The following TTC6 variants were observed in gnomAD, a reference collection of about 807,000 sequenced individuals.
TTC6 encodes the protein tetratricopeptide repeat domain 6, also known as tetratricopeptide repeat protein 6.
In TTC6, 172 loss-of-function variants were observed where a neutral mutation model predicts 210.4. That is an observed-to-expected ratio of 0.82 (90% CI 0.72 to 0.93). The LOEUF (loss-of-function observed/expected upper bound fraction) is 0.93. TTC6 is among the 40% of genes least tolerant of loss of function. The pLI is 0.00. For missense variants in TTC6, 2,414 were observed against 2,318.1 expected (o/e 1.04, Z -0.85); for synonymous variants, 804 against 819.6 (o/e 0.98, Z 0.32).
Position 37,749,860 on chromosome 14 carries a change from G to C in TTC6, c.2956+17G>C, listed in dbSNP as rs993104147. 7.5e-7 allele frequency: 1 copy of C among 1,331,886 alleles called. No homozygotes were observed. Among genetic ancestry groups the C allele is most frequent in the Middle Eastern group, 2.4e-4 (1 of 4,188 alleles). The allele number at this position is 1,331,886 out of a possible 1,614,324, so 82.5% of individuals were successfully genotyped here. Reference sequence around the variant, plus strand: ...ATAATACAGGTGGGTTGTCTGTAGAGACAGTTATATTACCTACATTTTGAC... The same window carrying C: ...ATAATACAGGTGGGTTGTCTGTAGACACAGTTATATTACCTACATTTTGAC... On this transcript the variant is annotated intron_variant, in intron 12 of 30. Coordinates refer to ENST00000553443, the Ensembl canonical transcript of TTC6.
At chr14:37,613,477 G>A (rs1008718782) in intron 2 of TTC6, among the ~76,000 whole-genome samples, 2 of 152,008 alleles carry the variant, frequency 1.3e-5, no homozygotes, top group African/African-American at 4.8e-5. Flanking sequence ...CCTTTGTCAG[G>A]TTTAGTATTA....
At position 37,598,656 on chromosome 14, in the gene TTC6, C is replaced by CGGCCTCG. The variant is rs1460393030; in HGVS notation, c.-235+2660_-235+2666dup. ...CGGCGAAAGGTGGAAGGAGAGGCCGCGGCCTCGGGCCTCGGGCCCCGGGCC... is the reference window on the plus strand; with the variant it reads ...CGGCGAAAGGTGGAAGGAGAGGCCGCGGCCTCGGGCCTCGGGCCTCGGGCCCCGGGCC... On this transcript the variant is annotated intron_variant, in intron 1 of 2. Transcript: ENST00000556845. This position sits in a 1 kb window ranked among gnomAD's most constrained non-coding sequence, Gnocchi z 4.9. Among the ~76,000 whole-genome samples the CGGCCTCG allele has an allele frequency of 9.9e-5, 15 of 152,098 alleles. No individual in the cohort carries two copies. The highest frequency in any genetic ancestry group is 4.6e-4 in the Admixed American group (7 of 15,284).
At chr14:37,651,360 A>G (rs1331679769) in intron 1 of TTC6, among the ~76,000 whole-genome samples, 1 of 130,532 alleles carries the variant, frequency 7.7e-6, no homozygotes, top group Non-Finnish European at 1.6e-5. Context: ...CTTGGCTCTT[A>G]GAAATTGAAT....
At chr14:37,793,936 C>T (rs908086458) in intron 17 of TTC6, among the ~76,000 whole-genome samples, 19 of 152,058 alleles carry the variant, frequency 1.2e-4, no homozygotes, top group Admixed American at 5.9e-4. Flanking sequence ...GTGTACAATA[C>T]GATTCCATGT....
chr14:37,623,060 C>G (rs1191244971), intron 1 of TTC6, 57 bp downstream of exon 3: 1 of 1,235,382 alleles, frequency 8.1e-7, no homozygotes. Context: ...GGTTACATTA[C>G]ATATGTAAGA....
chr14:37,629,037 C>A (rs2095664991), intron 1 of TTC6, among the ~76,000 whole-genome samples: 1 of 151,950 alleles, frequency 6.6e-6, no homozygotes, highest in African/African-American at 2.4e-5. Context: ...AGTCAGGTAG[C>A]ATGATGCCTC....
At chr14:37,635,029 G>A (rs1255569301) in intron 1 of TTC6, among the ~76,000 whole-genome samples, 1 of 152,102 alleles carries the variant, frequency 6.6e-6, no homozygotes, top group Non-Finnish European at 1.5e-5. Flanking sequence ...TAGGAAGAAA[G>A]AACATAATAA....
intron 1 of TTC6, among the ~76,000 whole-genome samples, chr14:37,647,639 T>C (rs914215908): frequency 1.3e-5 from 2 of 152,132 alleles, no homozygotes; most frequent in African/African-American, 4.8e-5. Flanking sequence ...AGTGGAGATA[T>C]CAAATATGCA....
chr14:37,826,385 A>G (rs1595321986), intron 28 of TTC6, 38 bp downstream of exon 30: 1 of 1,512,210 alleles, frequency 6.6e-7, no homozygotes, highest in East Asian at 2.3e-5. Context: ...ATTAGCATAA[A>G]TTAACACTGT....
intron 1 of TTC6, among the ~76,000 whole-genome samples, chr14:37,639,528 G>A (rs1408581892): frequency 6.6e-6 from 1 of 151,900 alleles, no homozygotes; most frequent in Non-Finnish European, 1.5e-5. Flanking sequence ...ACATTTGGAT[G>A]CTTTCAGTAA....
chr14:37,817,715 C>A, intron 26 of TTC6, 64 bp downstream of exon 28: 1 of 1,471,560 alleles, frequency 6.8e-7, no homozygotes, highest in Non-Finnish European at 9.5e-7. Flanking sequence ...CTAATTATCA[C>A]CCCATAAACA....
chr14:37,790,841 T>G lies in TTC6; in HGVS notation c.3557+4T>G, dbSNP rs1187932789. 1.3e-6 allele frequency: 2 copies of G among 1,518,306 alleles called. No individual in the cohort carries two copies. Among genetic ancestry groups the G allele is most frequent in the Admixed American group, 4.4e-5 (2 of 45,534 alleles). 94.1% of individuals were successfully genotyped at this position (1,518,306 alleles called of 1,614,324 possible). ...AAACTGTCATTTCTCTAGAAAGGTATGTTTTCCTTTTCATATTTATTGATT... is the reference window on the plus strand; with the variant it reads ...AAACTGTCATTTCTCTAGAAAGGTAGGTTTTCCTTTTCATATTTATTGATT... On this transcript the variant is annotated splice_donor_region_variant and intron_variant, in intron 16 of 30. Transcript: ENST00000553443.
At chr14:37,738,941 G>A in exon 10 of TTC6, 2 of 1,535,464 alleles carry the variant, frequency 1.3e-6, no homozygotes, top group Non-Finnish European at 8.7e-7. Flanking sequence ...GCCCAACTAT[G>A]TGAAAGAAAG....
intron 26 of TTC6, among the ~76,000 whole-genome samples, chr14:37,820,822 C>T (rs1332445939): frequency 6.6e-6 from 1 of 152,096 alleles, no homozygotes; most frequent in Non-Finnish European, 1.5e-5. Context: ...TATTGTTATA[C>T]TATAGTGAGA....
chr14:37,804,149 A>C (rs938765521), intron 20 of TTC6, among the ~76,000 whole-genome samples: 3 of 151,630 alleles, frequency 2.0e-5, no homozygotes, highest in Non-Finnish European at 4.4e-5. Context: ...GAGACTTTTG[A>C]CTCTTTTGAA....
chr14:37,778,873 C>T (rs1315090407), intron 14 of TTC6, among the ~76,000 whole-genome samples: 1 of 152,120 alleles, frequency 6.6e-6, no homozygotes, highest in Non-Finnish European at 1.5e-5. Context: ...CAAGGTTGCC[C>T]TGCTTTATTG....
chr14:37,795,491 C>T, intron 18 of TTC6, 139 bp downstream of exon 20: 1 of 525,082 alleles, frequency 1.9e-6, no homozygotes, highest in South Asian at 3.3e-5. Flanking sequence ...TCCCCACCAG[C>T]AAGCCAGTTT....
intron 10 of TTC6, among the ~76,000 whole-genome samples, chr14:37,746,747 T>A (rs2095937303): frequency 6.6e-6 from 1 of 152,084 alleles, no homozygotes; most frequent in South Asian, 2.1e-4. Flanking sequence ...ATGCTTGAGG[T>A]AGGTGCATTA....
At chr14:37,759,546 C>A (rs1404202284) in intron 14 of TTC6, among the ~76,000 whole-genome samples, 1 of 152,086 alleles carries the variant, frequency 6.6e-6, no homozygotes, top group Non-Finnish European at 1.5e-5. Context: ...TGAATGTTGG[C>A]CTGTTTCGCT....
Sources: allele counts gnomAD v4.1 joint callset (sites outside exome capture counted in the v4.1 genomes callset), GRCh38; gene constraint gnomAD v4.1.1; non-coding constraint Gnocchi (gnomAD v3.1); transcripts MANE v1.5; gene names NCBI Gene and HGNC (gene_info 2026-07-23, HGNC 2026-07-21).